CNTRL: variants seen among roughly 807,000 people sequenced by gnomAD.
The protein encoded by CNTRL is 110 kDa centrosomal protein.
Under a neutral mutation model 303.7 loss-of-function variants are expected in CNTRL, and 233 were observed. The observed-to-expected ratio is 0.77, with a 90% CI of 0.69 to 0.86. The LOEUF is 0.86. CNTRL is among the 40% of genes least tolerant of loss of function. The probability of loss-of-function intolerance (pLI) is 0.00; values close to 1 mark genes in which losing one functional copy is unlikely to be tolerated. For synonymous variants in CNTRL, 900 were observed against 922.2 expected, an observed-to-expected ratio of 0.98 and a Z score of 0.44; for missense variants, 2,524 against 2,650.6, an observed-to-expected ratio of 0.95 and a Z score of 1.05.
At chr9:121,076,734 TG>T (rs1245895447) in intron 1 of CNTRL, among the ~76,000 whole-genome samples, 1 of 151,894 alleles carries the variant, frequency 6.6e-6, no homozygotes. Context: ...CAGCACAGAA[TG>T]GGGGAATTGG....
chr9:121,176,073 A>G (rs2053511825), intron 43 of CNTRL, among the ~76,000 whole-genome samples: 1 of 152,260 alleles, frequency 6.6e-6, no homozygotes, highest in African/African-American at 2.4e-5. Context: ...CAACTGTCAG[A>G]GATAGGTAAC....
At chr9:121,149,930 A>C (rs1406622691) in intron 24 of CNTRL, among the ~76,000 whole-genome samples, 1 of 152,262 alleles carries the variant, frequency 6.6e-6, no homozygotes, top group Non-Finnish European at 1.5e-5. Context: ...TAGCAAATGC[A>C]GAAACAAACC....
intron 38 of CNTRL, among the ~76,000 whole-genome samples, chr9:121,168,928 A>AT (rs537056212): frequency 5.9e-4 from 90 of 152,288 alleles, no homozygotes; most frequent in African/African-American, 2.1e-3. Flanking sequence ...AACTCTTGAT[A>AT]TACCCAGACC....
chr9:121,088,867 C>T (rs891623463), intron 3 of CNTRL, among the ~76,000 whole-genome samples: 5 of 152,184 alleles, frequency 3.3e-5, no homozygotes, highest in African/African-American at 9.7e-5. Flanking sequence ...CAGAGTGGAG[C>T]GCCTTAATTC....
At chr9:121,162,411 AT>A in intron 34 of CNTRL, 140 bp downstream of exon 34, 2 of 690,924 alleles carry the variant, frequency 2.9e-6, no homozygotes, top group Non-Finnish European at 4.9e-6. Flanking sequence ...TGCCAGTTGC[AT>A]TTTTTTGGAG....
At chr9:121,115,027 G>A in intron 10 of CNTRL, 64 bp from the exon 11 acceptor site, 1 of 1,003,614 alleles carries the variant, frequency 1.0e-6, no homozygotes, top group Non-Finnish European at 1.5e-6. Flanking sequence ...ATACCTGGTT[G>A]AAATTTCAGA....
chr9:121,147,352 T>G (rs975031993), intron 23 of CNTRL, among the ~76,000 whole-genome samples: 1 of 151,872 alleles, frequency 6.6e-6, no homozygotes, highest in African/African-American at 2.4e-5. Context: ...TTACACTTAA[T>G]TATGTAGGCC....
At chr9:121,149,069 C>G (rs779281631) in intron 24 of CNTRL, among the ~76,000 whole-genome samples, 4 of 152,200 alleles carry the variant, frequency 2.6e-5, no homozygotes, top group Non-Finnish European at 4.4e-5. Context: ...GTGATGCCTA[C>G]TCATCCTTCA....
chr9:121,121,936 T>A, intron 12 of CNTRL: 1 of 985,264 alleles, frequency 1.0e-6, no homozygotes, highest in Non-Finnish European at 1.2e-6. Flanking sequence ...TTTAACAGGA[T>A]AAATTTTAAG....
rs752869551 is a variant in CNTRL, at chr9:121,090,295, G to T, written c.238G>T (p.Val80Phe). 4 of 1,608,764 alleles carry T rather than the reference G, an allele frequency of 2.5e-6. No homozygotes were observed. The African/African-American group carries it at 4.0e-5, about 16-fold the overall frequency. Residue 80 changes from valine (V) to phenylalanine (F), a missense_variant, in exon 4 of 44, where the codon GTT (valine) becomes TTT (phenylalanine). By Grantham distance (50) the Val-to-Phe change is conservative. Coordinates refer to ENST00000373855, the MANE Select transcript of CNTRL (RefSeq NM_007018.6). ...DHKGADSHAG[V>F]RYITEALIKK... ...TTCAGGAGCTGATTCACATGCAGGA[G>T]TTAGATATATTACAGAGGCCCTCAT...
At chr9:121,081,240 GTTATA>G (rs2048128785) in intron 2 of CNTRL, among the ~76,000 whole-genome samples, 1 of 152,174 alleles carries the variant, frequency 6.6e-6, no homozygotes, top group Non-Finnish European at 1.5e-5. Context: ...TGCTTGTGAA[GTTATA>G]TTATCTTTTA....
At chr9:121,171,865 A>G (rs989518297) in intron 40 of CNTRL, among the ~76,000 whole-genome samples, 2 of 152,220 alleles carry the variant, frequency 1.3e-5, no homozygotes, top group African/African-American at 4.8e-5. Flanking sequence ...AAACAAGTCT[A>G]TAGGAGCCAA....
At position 121,125,921 on chromosome 9, in the gene CNTRL, A is replaced by G. The variant is rs778488513; in HGVS notation, c.2010A>G (p.Ala670=). Residue 670 remains alanine (A), a synonymous_variant, in exon 14 of 44, where the codon GCA becomes GCG. Transcript: ENST00000373855. The part of the protein sequence containing the change: ...RDQLEIVAMD[A]ENMRKELAEL... ...AGCTGGAAATAGTTGCCATGGATGC[A>G]GAAAATATGAGGAAGGTATGATTTT... is the stretch of plus-strand genomic sequence containing the variant. 2.5e-6 allele frequency: 4 copies of G among 1,614,000 alleles called. No individual in the cohort carries two copies. Among genetic ancestry groups the G allele is most frequent in the East Asian group, 2.2e-5 (1 of 44,882 alleles).
At chr9:121,127,694 T>C (rs1193166524) in intron 14 of CNTRL, among the ~76,000 whole-genome samples, 3 of 152,190 alleles carry the variant, frequency 2.0e-5, no homozygotes, top group East Asian at 1.9e-4. Context: ...CTAGGGTACA[T>C]GCAGATTTGT....
rs773524715 is a variant in CNTRL at position 121,125,703 on chromosome 9, G to T, written c.1805-13G>T. On this transcript the variant is annotated splice_polypyrimidine_tract_variant and intron_variant, in intron 13 of 43. Transcript: ENST00000373855. Reference sequence around the variant, plus strand: ...AAAAAGATATATTATTACCCTTTTTGCATCTTGCTTAGGCCAGATAGCAGC... The same window carrying T: ...AAAAAGATATATTATTACCCTTTTTTCATCTTGCTTAGGCCAGATAGCAGC... 7.6e-5 allele frequency: 121 copies of T among 1,599,272 alleles called. No homozygotes were observed. Among genetic ancestry groups the T allele is most frequent in the Middle Eastern group, 5.1e-4 (3 of 5,922 alleles).
At chr9:121,115,404 CAT>C (rs1453892603) in intron 11 of CNTRL, among the ~76,000 whole-genome samples, 1 of 152,086 alleles carries the variant, frequency 6.6e-6, no homozygotes, top group African/African-American at 2.4e-5. Flanking sequence ...CATTTTATAA[CAT>C]GTATAGAAAT....
intron 42 of CNTRL, among the ~76,000 whole-genome samples, chr9:121,174,435 A>G (rs1387522314): frequency 6.6e-6 from 1 of 152,228 alleles, no homozygotes; most frequent in Non-Finnish European, 1.5e-5. Context: ...CATTTGCCAC[A>G]TTTCAAGTGC....
At chr9:121,142,035 T>C in intron 18 of CNTRL, 56 bp from the exon 19 acceptor site, 2 of 1,412,678 alleles carry the variant, frequency 1.4e-6, no homozygotes, top group Non-Finnish European at 1.9e-6. Context: ...AAGTTTTTAT[T>C]TTGCTTAAAA....
intron 12 of CNTRL, 147 bp downstream of exon 12, chr9:121,118,687 T>A: frequency 2.0e-6 from 1 of 509,496 alleles, no homozygotes; most frequent in Non-Finnish European, 3.3e-6. Context: ...CAGCCCTCCA[T>A]ATCCATGGGT....
Sources: gnomAD v4.1 joint callset for allele counts (sites outside exome capture counted in the v4.1 genomes callset) on GRCh38, gnomAD v4.1.1 for gene constraint, MANE v1.5 for transcripts, NCBI Gene and HGNC (gene_info 2026-07-23, HGNC 2026-07-21) for gene names.